Variants in EPRS1 observed in about 807,000 individuals in gnomAD.
The protein encoded by EPRS1 is bifunctional glutamate/proline--tRNA ligase.
Under a neutral mutation model 188.3 loss-of-function variants are expected in EPRS1, and 107 were observed. The observed-to-expected ratio is 0.57, with a 90% CI of 0.49 to 0.67. The LOEUF (loss-of-function observed/expected upper bound fraction) is 0.67. Ranked by LOEUF, EPRS1 falls within the 30% of genes least tolerant of loss-of-function variation. The pLI is 0.00. For missense variants in EPRS1, 1,577 were observed against 1,802.2 expected, an observed-to-expected ratio of 0.88 and a Z score of 2.26; for synonymous variants, 596 against 593.1, an observed-to-expected ratio of 1.00 and a Z score of -0.07.
At position 220,033,560 on chromosome 1, in the gene EPRS1, T is replaced by C; in HGVS notation, c.330A>G (p.Thr110=). ...AACTCAAGGAGTTTCCAACTAAGTA[T>C]GTTCTCAGAGACAGGCAATGATTGA... ...NELNHCLSLR[T]YLVGNSLSLA... Residue 110 remains threonine (T), a synonymous_variant, in exon 4 of 32, where the codon ACA becomes ACG. Transcript: ENST00000366923. 1 of 1,612,730 alleles carries C rather than the reference T, an allele frequency of 6.2e-7. No individual in the cohort carries two copies. The highest frequency in any genetic ancestry group is 2.2e-5 in the East Asian group (1 of 44,820).
chr1:220,014,387 T>A (rs1404268989), intron 12 of EPRS1, among the ~76,000 whole-genome samples: 1 of 151,368 alleles, frequency 6.6e-6, no homozygotes, highest in African/African-American at 2.4e-5. Flanking sequence ...CATAGAAGCA[T>A]CCCCTCCCCA....
chr1:219,987,442 T>A lies in EPRS1; in HGVS notation c.2776-38A>T. ...AAAAGAGGAAAAAGAGAAGACAGTA[T>A]TTAACTCAAGTCATTGTCTAAGCAC... On this transcript the variant is annotated intron_variant, in intron 19 of 31. Transcript: ENST00000366923. 2 of 1,526,142 alleles carry A rather than the reference T, an allele frequency of 1.3e-6. 1 individual carries two copies. The highest frequency in any genetic ancestry group is 2.5e-5 in the South Asian group (2 of 81,294). 94.5% of individuals were successfully genotyped at this position (1,526,142 alleles called of 1,614,324 possible). A position where few individuals can be genotyped will look rare whatever the true frequency, so the allele number is the denominator to read the frequency against.
intron 20 of EPRS1, among the ~76,000 whole-genome samples, chr1:219,986,840 C>T (rs1343170340): frequency 6.6e-6 from 1 of 151,638 alleles, no homozygotes; most frequent in East Asian, 1.9e-4. Flanking sequence ...ATGAAAATCG[C>T]TCAACAGATA....
At chr1:220,008,076 C>A (rs1282772750) in intron 13 of EPRS1, among the ~76,000 whole-genome samples, 2 of 148,166 alleles carry the variant, frequency 1.3e-5, no homozygotes, top group African/African-American at 5.0e-5. Context: ...CACGGCACTC[C>A]AGCCTGGGCA....
At position 220,040,277 on chromosome 1, in the gene EPRS1, T is replaced by C. The variant is rs752830407; in HGVS notation, c.47-8A>G. ...CTACTGCCAGCAAAGCTCCTATAAATAATATGAAAAGATTTTTTATCTTTA... is the reference window on the plus strand; with the variant it reads ...CTACTGCCAGCAAAGCTCCTATAAACAATATGAAAAGATTTTTTATCTTTA... On this transcript the variant is annotated splice_region_variant and splice_polypyrimidine_tract_variant and intron_variant, in intron 1 of 31. Transcript: ENST00000366923. 5.1e-6 allele frequency: 8 copies of C among 1,560,264 alleles called. No homozygotes were observed. Among genetic ancestry groups the C allele is most frequent in the Non-Finnish European group, 7.0e-6 (8 of 1,139,206 alleles).
intron 30 of EPRS1, 87 bp from the exon 31 acceptor site, chr1:219,969,209 G>A: frequency 1.0e-6 from 1 of 974,766 alleles, no homozygotes; most frequent in South Asian, 1.4e-5. Context: ...ATATTAAACT[G>A]GCAAGCAAAA....
chr1:220,018,494 T>G lies in EPRS1; in HGVS notation c.1449A>C (p.Ser483=). The change falls in exon 12 of 32, where the codon TCA becomes TCC. Residue 483 remains serine (S), a synonymous_variant. Coordinates refer to ENST00000366923, the MANE Select transcript of EPRS1 (RefSeq NM_004446.3). Reference sequence around the variant, plus strand: ...TTTTGTCCCACTCCATGTTCACGACTGAACGTGAGGAGCCCTAAAAAACAA... The same window carrying G: ...TTTTGTCCCACTCCATGTTCACGACGGAACGTGAGGAGCCCTAAAAAACAA... ...QFIAAQGSSR[S]VVNMEWDKIW... 6.2e-7 allele frequency: 1 copy of G among 1,611,314 alleles called. No homozygotes were observed. The highest frequency in any genetic ancestry group is 2.2e-5 in the East Asian group (1 of 44,798).
chr1:220,026,151 T>C (rs1243819046), intron 6 of EPRS1, among the ~76,000 whole-genome samples: 2 of 152,214 alleles, frequency 1.3e-5, no homozygotes, highest in Non-Finnish European at 2.9e-5. Context: ...GGGGTACATG[T>C]GAAGTTTTGT....
At chr1:219,980,443 CTT>C (rs1176964121) in intron 25 of EPRS1, among the ~76,000 whole-genome samples, 1 of 152,058 alleles carries the variant, frequency 6.6e-6, no homozygotes, top group Non-Finnish European at 1.5e-5. Context: ...AGTCAAATAA[CTT>C]TTTAAAATGT....
chr1:220,034,456 TTG>T (rs1662139774), intron 3 of EPRS1, among the ~76,000 whole-genome samples: 1 of 151,310 alleles, frequency 6.6e-6, no homozygotes, highest in African/African-American at 2.5e-5. Context: ...AGGCACATGA[TTG>T]TATATAAAGC....
chr1:219,985,478 C>T (rs1408853833), intron 20 of EPRS1, among the ~76,000 whole-genome samples: 3 of 152,156 alleles, frequency 2.0e-5, no homozygotes, highest in African/African-American at 7.2e-5. Flanking sequence ...CTGCAACCTC[C>T]ACCTCCCAGG....
chr1:220,036,204 CA>C (rs771301596), intron 2 of EPRS1, among the ~76,000 whole-genome samples: 1 of 151,842 alleles, frequency 6.6e-6, no homozygotes, highest in Non-Finnish European at 1.5e-5. Context: ...CACCTCACAA[CA>C]AAAAACAAAA....
At chr1:219,994,045 A>G (rs1261905322) in intron 18 of EPRS1, among the ~76,000 whole-genome samples, 1 of 152,212 alleles carries the variant, frequency 6.6e-6, no homozygotes, top group East Asian at 1.9e-4. Context: ...GAGAAAAAAT[A>G]TACGGAGTAC....
intron 15 of EPRS1, among the ~76,000 whole-genome samples, chr1:220,005,802 A>G (rs1207916249): frequency 2.0e-5 from 3 of 150,188 alleles, no homozygotes; most frequent in Non-Finnish European, 3.0e-5. Context: ...ATAAAATGGA[A>G]ACATTACTTA....
rs1335552167 is a variant in EPRS1 at position 220,022,528 on chromosome 1, G to A, written c.944-10C>T. 1 of 1,595,258 alleles carries A rather than the reference G, an allele frequency of 6.3e-7. No individual in the cohort carries two copies. The highest frequency in any genetic ancestry group is 1.3e-5 in the African/African-American group (1 of 74,254). ...AGATTCTTCTCAATAGCTATAAAAT[G>A]ATAATTACATTACGGTTCACTAATC... On this transcript the variant is annotated splice_polypyrimidine_tract_variant and intron_variant, in intron 8 of 31. Coordinates refer to ENST00000366923, the MANE Select transcript of EPRS1 (RefSeq NM_004446.3).
In EPRS1 at chr1:220,024,909, T is replaced by A. The variant is rs1046375849; in HGVS notation, c.750+223A>T. On this transcript the variant is annotated intron_variant, in intron 7 of 31. Transcript: ENST00000366923. Reference sequence around the variant, plus strand: ...TAAATTGGTATTATAGGAAAACATATCATTCAGGTAAACTCTATAACTGGG... The same window carrying A: ...TAAATTGGTATTATAGGAAAACATAACATTCAGGTAAACTCTATAACTGGG... 4 of 476,160 alleles carry A rather than the reference T, an allele frequency of 8.4e-6. No homozygotes were observed. The East Asian group carries it at 1.6e-4, about 19-fold the overall frequency. 29.5% of individuals were successfully genotyped at this position (476,160 alleles called of 1,614,324 possible). A position where few individuals can be genotyped will look rare whatever the true frequency, so the allele number is the denominator to read the frequency against.
At chr1:219,984,060 G>A in intron 21 of EPRS1, 146 bp downstream of exon 21, 1 of 606,392 alleles carries the variant, frequency 1.6e-6, no homozygotes, top group Non-Finnish European at 3.0e-6. Flanking sequence ...GAAAAATAAT[G>A]TCATGTTAAA....
chr1:219,983,325 G>C lies in EPRS1; in HGVS notation c.3164C>G (p.Ala1055Gly). The C allele has an allele frequency of 6.2e-7, 1 of 1,613,882 alleles. No homozygotes were observed. Among genetic ancestry groups the C allele is most frequent in the East Asian group, 2.2e-5 (1 of 44,870 alleles). ...GCYILRPWAYAIWEAIKDFFD... is the reference protein window; with the variant it reads ...GCYILRPWAYGIWEAIKDFFD... ...AAAGTCCTTGATGGCTTCCCAAATG[G>C]CATAGGCCCAGGGACGAAGAATATA... Residue 1055 changes from alanine to glycine, a missense_variant, in exon 22 of 32, where the codon GCC becomes GGC. Ala to Gly is a moderately conservative substitution (Grantham distance 60). This residue lies in a region of EPRS1 where 1,278 missense variants were observed against 1,457.4 expected (regional missense o/e 0.88). Coordinates refer to ENST00000366923, the MANE Select transcript of EPRS1 (RefSeq NM_004446.3).
chr1:219,969,535 T>G (rs575551890), intron 30 of EPRS1, among the ~76,000 whole-genome samples: 2 of 152,304 alleles, frequency 1.3e-5, no homozygotes, highest in South Asian at 4.1e-4. Flanking sequence ...TGATTTTTAA[T>G]GTGTTGTTAA....
Sources: gnomAD v4.1 joint callset for allele counts (sites outside exome capture counted in the v4.1 genomes callset) on GRCh38, gnomAD v4.1.1 for gene constraint, gnomAD v4.1.1 regional missense constraint, MANE v1.5 for transcripts, NCBI Gene and HGNC (gene_info 2026-07-23, HGNC 2026-07-21) for gene names.